The following HACE1 variants were observed in gnomAD, a reference collection of about 807,000 sequenced individuals.
HACE1 encodes E3 ubiquitin-protein ligase HACE1.
In HACE1, 73 loss-of-function variants were observed where a neutral mutation model predicts 118.4. That is an observed-to-expected ratio of 0.62 (90% CI 0.51 to 0.75). The LOEUF is 0.75. HACE1 is among the 30% of genes least tolerant of loss of function. The pLI is 0.00. For synonymous variants in HACE1, 368 were observed against 374.8 expected, an observed-to-expected ratio of 0.98 and a Z score of 0.21; for missense variants, 749 against 1,102.2, an observed-to-expected ratio of 0.68 and a Z score of 4.54.
intron 19 of HACE1, among the ~76,000 whole-genome samples, chr6:104,766,567 T>C (rs1780035488): frequency 6.6e-6 from 1 of 152,218 alleles, no homozygotes; most frequent in Non-Finnish European, 1.5e-5. Context: ...AAATAAATCA[T>C]GCAAAGCTAG....
At position 104,815,796 on chromosome 6, in the gene HACE1, G is replaced by A. The variant is rs1037394154; in HGVS notation, c.535-4403C>T. On this transcript the variant is annotated intron_variant, in intron 6 of 23. Coordinates refer to ENST00000262903, the MANE Select transcript of HACE1 (RefSeq NM_020771.4). ...TGTTTAAAAGGGAAACAGAGGGCCAGGCACAGTGGCTCACGCCTGTAATCC... is the reference window on the plus strand; with the variant it reads ...TGTTTAAAAGGGAAACAGAGGGCCAAGCACAGTGGCTCACGCCTGTAATCC... 2.9e-5 allele frequency among the ~76,000 whole-genome samples: 4 copies of A among 138,678 alleles called. 2 individuals are homozygous for A. Among genetic ancestry groups the A allele is most frequent in the African/African-American group, 5.8e-5 (2 of 34,738 alleles). 91.0% of individuals were successfully genotyped at this position (138,678 alleles called of 152,430 possible). A position where few individuals can be genotyped will look rare whatever the true frequency, so the allele number is the denominator to read the frequency against.
chr6:104,846,652 C>T (rs369563408), intron 4 of HACE1, among the ~76,000 whole-genome samples: 1 of 152,256 alleles, frequency 6.6e-6, no homozygotes, highest in East Asian at 1.9e-4. Context: ...GGGAACAAAA[C>T]AAAAAGCTGG....
At chr6:104,738,340 G>C (rs1776182926) in intron 22 of HACE1, among the ~76,000 whole-genome samples, 1 of 151,666 alleles carries the variant, frequency 6.6e-6, no homozygotes, top group Admixed American at 6.6e-5. Flanking sequence ...TGAGCTGAGA[G>C]AAGAAGGCTT....
intron 22 of HACE1, among the ~76,000 whole-genome samples, chr6:104,739,035 T>C (rs1776289411): frequency 1.3e-5 from 2 of 149,376 alleles, no homozygotes; most frequent in Non-Finnish European, 3.0e-5. Context: ...AAGAAAAGAA[T>C]TTTCAACCCA....
In HACE1 at chr6:104,776,875, T is replaced by G. The variant is rs754601004; in HGVS notation, c.1777-47A>C. ...AAGCATCAACAGAAATATGTTATATTGGGAAATTTTTTTCTAAATAACAAA... is the reference window on the plus strand; with the variant it reads ...AAGCATCAACAGAAATATGTTATATGGGGAAATTTTTTTCTAAATAACAAA... On this transcript the variant is annotated intron_variant, in intron 16 of 23. Coordinates refer to ENST00000262903, the MANE Select transcript of HACE1 (RefSeq NM_020771.4). 5 of 1,435,502 alleles carry G rather than the reference T, an allele frequency of 3.5e-6. No homozygotes were observed. The Admixed American group carries it at 6.7e-5, about 19-fold the overall frequency. 88.9% of individuals were successfully genotyped at this position (1,435,502 alleles called of 1,614,324 possible). A position where few individuals can be genotyped will look rare whatever the true frequency, so the allele number is the denominator to read the frequency against.
chr6:104,737,163 G>A (rs1246511301), intron 22 of HACE1, among the ~76,000 whole-genome samples: 1 of 150,304 alleles, frequency 6.7e-6, no homozygotes, highest in Non-Finnish European at 1.5e-5. Context: ...GTGGTGGCAG[G>A]CACCTGTACT....
At chr6:104,753,277 T>C (rs1043934742) in intron 19 of HACE1, among the ~76,000 whole-genome samples, 3 of 152,190 alleles carry the variant, frequency 2.0e-5, no homozygotes, top group African/African-American at 7.2e-5. Context: ...GTGACTGCCA[T>C]GTCTGGGGTT....
chr6:104,745,967 C>A (rs781311491), intron 20 of HACE1, among the ~76,000 whole-genome samples: 61 of 152,258 alleles, frequency 4.0e-4, no homozygotes, highest in Non-Finnish European at 1.6e-4. Context: ...TTCAACCAAA[C>A]AACATACCAA....
intron 6 of HACE1, among the ~76,000 whole-genome samples, chr6:104,816,273 C>T (rs1772104802): frequency 6.6e-6 from 1 of 152,210 alleles, no homozygotes; most frequent in African/African-American, 2.4e-5. Flanking sequence ...TCACTGCAGC[C>T]CCACATGTCA....
chr6:104,759,266 G>A (rs970852664), intron 19 of HACE1, among the ~76,000 whole-genome samples: 23 of 152,074 alleles, frequency 1.5e-4, no homozygotes, highest in African/African-American at 3.9e-4. Flanking sequence ...GCACCACATC[G>A]CACTTATTCT....
At chr6:104,770,970 C>A (rs9499967) in intron 19 of HACE1, among the ~76,000 whole-genome samples, 5,145 of 152,204 alleles carry the variant, frequency 0.034, 273 homozygotes, top group African/African-American at 0.12. Flanking sequence ...GAAGTGCTCT[C>A]GATTTTTTAG....
Position 104,791,522 on chromosome 6 carries a change from T to TG in HACE1, c.1055dup (p.Arg353LysfsTer17). On this transcript the variant is annotated frameshift_variant, in exon 11 of 24. Transcript: ENST00000262903. LOFTEE classifies it high-confidence loss of function. ...TTCTCACCTTGAACACCTGGCTTCT[T>TG]GGAGTTTTATTCCCATTGTAGCCCA... is the stretch of plus-strand genomic sequence containing the variant. 1 of 1,613,252 alleles carries TG rather than the reference T, an allele frequency of 6.2e-7. No homozygotes were observed. The highest frequency in any genetic ancestry group is 1.1e-5 in the South Asian group (1 of 91,068).
At position 104,784,295 on chromosome 6, in the gene HACE1, G is replaced by T. The variant is rs987031415; in HGVS notation, c.1478+122C>A. ...CACATAATAATCCATATCTATTAAA[G>T]TTTCATTTGTTATTGAGCATATTTT... On this transcript the variant is annotated intron_variant, in intron 13 of 23. Transcript: ENST00000262903. The T allele has an allele frequency of 4.5e-6, 4 of 881,220 alleles. No homozygotes were observed. In the African/African-American group the frequency reaches 5.0e-5, roughly 11 times the overall value. 54.6% of individuals were successfully genotyped at this position (881,220 alleles called of 1,614,324 possible). A position where few individuals can be genotyped will look rare whatever the true frequency, so the allele number is the denominator to read the frequency against.
intron 6 of HACE1, among the ~76,000 whole-genome samples, chr6:104,812,801 A>G (rs191802348): frequency 1.3e-5 from 2 of 152,348 alleles, no homozygotes; most frequent in East Asian, 3.9e-4. Flanking sequence ...ACCTTGGAAT[A>G]TAGGAATGGT....
chr6:104,855,121 A>AT (rs940685484), intron 1 of HACE1, among the ~76,000 whole-genome samples: 1 of 152,186 alleles, frequency 6.6e-6, no homozygotes, highest in African/African-American at 2.4e-5. Flanking sequence ...TAACAGTGGC[A>AT]TTATGTGGCT....
At chr6:104,760,637 A>T (rs1006359315) in intron 19 of HACE1, among the ~76,000 whole-genome samples, 1 of 152,234 alleles carries the variant, frequency 6.6e-6, no homozygotes, top group Non-Finnish European at 1.5e-5. Context: ...AAACTGGCAC[A>T]AGATAAGGAT....
intron 7 of HACE1, among the ~76,000 whole-genome samples, chr6:104,808,362 T>A (rs535407903): frequency 6.6e-6 from 1 of 152,310 alleles, no homozygotes; most frequent in East Asian, 1.9e-4. Flanking sequence ...TGCAGCATGC[T>A]TTATAGAAGC....
chr6:104,750,302 T>C, intron 20 of HACE1, 39 bp downstream of exon 20: 1 of 1,553,096 alleles, frequency 6.4e-7, no homozygotes. Flanking sequence ...GAGTTTTTTG[T>C]TGTTGTGTTA....
intron 22 of HACE1, among the ~76,000 whole-genome samples, chr6:104,740,475 GA>G (rs1312811422): frequency 6.6e-6 from 1 of 152,092 alleles, no homozygotes; most frequent in African/African-American, 2.4e-5. Context: ...TGATAAAGGG[GA>G]TATCACCATT....
Sources: gnomAD v4.1 joint callset for allele counts (sites outside exome capture counted in the v4.1 genomes callset) on GRCh38, gnomAD v4.1.1 for gene constraint, MANE v1.5 for transcripts, NCBI Gene and HGNC (gene_info 2026-07-23, HGNC 2026-07-21) for gene names.